The following CARMIL1 variants were observed in gnomAD, a reference collection of about 807,000 sequenced individuals.
The protein encoded by CARMIL1 is F-actin-uncapping protein LRRC16A.
A neutral mutation model predicts 177.1 loss-of-function variants in CARMIL1; 90 were observed. That is an observed-to-expected ratio of 0.51 (90% confidence interval 0.43 to 0.61). CARMIL1 has a LOEUF of 0.61. Ranked by LOEUF, CARMIL1 falls within the 20% of genes least tolerant of loss-of-function variation. CARMIL1 has a pLI of 0.00. For missense variants in CARMIL1, 1,380 were observed against 1,667.0 expected, an observed-to-expected ratio of 0.83 and a Z score of 3.00; for synonymous variants, 577 against 606.2, an observed-to-expected ratio of 0.95 and a Z score of 0.71.
intron 3 of CARMIL1, among the ~76,000 whole-genome samples, chr6:25,421,788 C>T (rs1795880242): frequency 1.4e-5 from 2 of 145,800 alleles, no homozygotes; most frequent in African/African-American, 5.1e-5. Context: ...CCAAACACCG[C>T]ATGTTCTCAC....
chr6:25,381,341 T>C (rs1192838153), intron 2 of CARMIL1, among the ~76,000 whole-genome samples: 2 of 152,108 alleles, frequency 1.3e-5, no homozygotes, highest in Non-Finnish European at 2.9e-5. Context: ...CTGTTTCTAC[T>C]CACAACACTT....
intron 2 of CARMIL1, among the ~76,000 whole-genome samples, chr6:25,382,009 A>G (rs1229606580): frequency 6.6e-6 from 1 of 152,144 alleles, no homozygotes; most frequent in Non-Finnish European, 1.5e-5. Context: ...ATGGGCTATA[A>G]TAATGAACAA....
chr6:25,609,194 C>T lies in CARMIL1; in HGVS notation c.3848-856C>T, dbSNP rs940546484. 3.3e-5 allele frequency among the ~76,000 whole-genome samples: 5 copies of T among 152,084 alleles called. 1 individual carries two copies. The highest frequency in any genetic ancestry group is 4.2e-4 in the South Asian group (2 of 4,810). ...TTAAGAGACTAGAATTGGCCAGGCG[C>T]GGTGGCTCACACCTGTAATCCCAAC... is the stretch of plus-strand genomic sequence containing the variant. On this transcript the variant is annotated intron_variant, in intron 35 of 36. Transcript: ENST00000329474.
chr6:25,598,078 T>C (rs1385814505), intron 32 of CARMIL1, among the ~76,000 whole-genome samples: 1 of 152,174 alleles, frequency 6.6e-6, no homozygotes, highest in African/African-American at 2.4e-5. Context: ...ATATGTGCCC[T>C]GAGGTGGGTT....
At chr6:25,506,200 A>G (rs1442204582) in intron 17 of CARMIL1, among the ~76,000 whole-genome samples, 3 of 152,196 alleles carry the variant, frequency 2.0e-5, no homozygotes, top group African/African-American at 4.8e-5. Flanking sequence ...GTTCCACGTG[A>G]CAGGATGCAT....
intron 2 of CARMIL1, among the ~76,000 whole-genome samples, chr6:25,299,842 G>C (rs940010598): frequency 2.0e-5 from 3 of 152,026 alleles, no homozygotes; most frequent in Non-Finnish European, 4.4e-5. Context: ...GCTGGGTGTG[G>C]TGGCGGGTGC....
At chr6:25,544,790 C>T (rs1043055397) in intron 26 of CARMIL1, among the ~76,000 whole-genome samples, 1 of 152,112 alleles carries the variant, frequency 6.6e-6, no homozygotes, top group Non-Finnish European at 1.5e-5. Context: ...TAATGTCTAA[C>T]ACGCTATAAA....
chr6:25,602,547 T>C (rs3804112), intron 33 of CARMIL1, among the ~76,000 whole-genome samples: 44,534 of 152,102 alleles, frequency 0.29, 6,840 homozygotes, highest in East Asian at 0.54. Context: ...GTTTAGGGCT[T>C]ACACAGTATT....
At chr6:25,498,621 G>C (rs1031498010) in intron 16 of CARMIL1, among the ~76,000 whole-genome samples, 3 of 152,164 alleles carry the variant, frequency 2.0e-5, no homozygotes, top group Middle Eastern at 3.2e-3. Context: ...CTAAGTCCTA[G>C]AAACTCAGCA....
At chr6:25,280,344 G>T (rs1282153652) in intron 1 of CARMIL1, among the ~76,000 whole-genome samples, 1 of 152,200 alleles carries the variant, frequency 6.6e-6, no homozygotes, top group South Asian at 2.1e-4. Flanking sequence ...CTGACACGCA[G>T]ACTTGGGGGA....
intron 5 of CARMIL1, among the ~76,000 whole-genome samples, chr6:25,444,381 T>C (rs999687175): frequency 1.6e-4 from 24 of 152,136 alleles, no homozygotes; most frequent in Non-Finnish European, 5.9e-5. Context: ...GTGTCTTTTT[T>C]TTTTAAATTA....
At chr6:25,459,267 T>TCTCTCTCTC (rs1799884909) in intron 8 of CARMIL1, among the ~76,000 whole-genome samples, 1 of 109,468 alleles carries the variant, frequency 9.1e-6, no homozygotes, top group African/African-American at 3.4e-5. Context: ...TCTTTCTTTC[T>TCTCTCTCTC]TTTTTTTTTT....
At chr6:25,417,497 A>G (rs151331494) in intron 2 of CARMIL1, among the ~76,000 whole-genome samples, 7 of 152,342 alleles carry the variant, frequency 4.6e-5, no homozygotes, top group Non-Finnish European at 1.0e-4. Context: ...GGATTTAAAA[A>G]GAGCATTTTG....
chr6:25,616,543 C>A (rs1816905593), intron 36 of CARMIL1, among the ~76,000 whole-genome samples: 1 of 152,200 alleles, frequency 6.6e-6, no homozygotes, highest in South Asian at 2.1e-4. Context: ...CACTGAATTC[C>A]AGCCTGGACA....
At chr6:25,535,402 G>A (rs141258524) in intron 24 of CARMIL1, among the ~76,000 whole-genome samples, 142 of 152,276 alleles carry the variant, frequency 9.3e-4, no homozygotes, top group African/African-American at 3.1e-3. Flanking sequence ...GCATATGATT[G>A]TGCAGAGTGT....
chr6:25,305,106 G>C (rs1025225802), intron 2 of CARMIL1, among the ~76,000 whole-genome samples: 20 of 152,212 alleles, frequency 1.3e-4, no homozygotes, highest in African/African-American at 4.8e-4. Flanking sequence ...TCTTCCTGCT[G>C]TCCTGGTGGC....
chr6:25,575,547 A>C (rs1443917183), intron 29 of CARMIL1, among the ~76,000 whole-genome samples: 1 of 152,228 alleles, frequency 6.6e-6, no homozygotes, highest in Non-Finnish European at 1.5e-5. Flanking sequence ...ACCTTTAAGA[A>C]AGCTTCTGAG....
chr6:25,570,641 A>G (rs990905618), intron 29 of CARMIL1, among the ~76,000 whole-genome samples: 2 of 152,236 alleles, frequency 1.3e-5, no homozygotes, highest in Admixed American at 6.5e-5. Context: ...ATAGTTCTCT[A>G]CCATGATCTT....
At chr6:25,297,934 C>T (rs892761548) in intron 2 of CARMIL1, among the ~76,000 whole-genome samples, 4 of 152,160 alleles carry the variant, frequency 2.6e-5, no homozygotes, top group Non-Finnish European at 5.9e-5. Context: ...AATGTCTTTA[C>T]ATTTTACGCC....
Sources: gnomAD v4.1 joint callset for allele counts (sites outside exome capture counted in the v4.1 genomes callset) on GRCh38, gnomAD v4.1.1 for gene constraint, MANE v1.5 for transcripts, NCBI Gene and HGNC (gene_info 2026-07-23, HGNC 2026-07-21) for gene names.